ADAMTS2: variants seen among roughly 807,000 people sequenced by gnomAD.
ADAMTS2 encodes ADAM metallopeptidase with thrombospondin type 1 motif 2.
In ADAMTS2, 50 loss-of-function variants were observed where a neutral mutation model predicts 123.0. The observed-to-expected ratio is 0.41, with a 90% CI of 0.32 to 0.51. ADAMTS2 has a LOEUF of 0.51. Ranked by LOEUF, ADAMTS2 falls within the 20% of genes least tolerant of loss-of-function variation. ADAMTS2 has a pLI of 0.35. For missense variants in ADAMTS2, 1,494 were observed against 1,705.2 expected, an observed-to-expected ratio of 0.88 and a Z score of 2.18; for synonymous variants, 678 against 695.4, an observed-to-expected ratio of 0.98 and a Z score of 0.39.
chr5:179,170,607 GT>G lies in ADAMTS2; in HGVS notation c.975+10464del, dbSNP rs1763796886. Among the ~76,000 whole-genome samples the G allele has an allele frequency of 6.6e-6, 1 of 152,102 alleles. No individual in the cohort carries two copies. The highest frequency in any genetic ancestry group is 1.5e-5 in the Non-Finnish European group (1 of 68,002). ...CTGTGCTTCTCTGTGAGCAAAAGGG[GT>G]CTGTTCCCTTGGACACAGGAGCTAG... On this transcript the variant is annotated intron_variant, in intron 5 of 21. Coordinates refer to ENST00000251582, the MANE Select transcript of ADAMTS2 (RefSeq NM_014244.5). This position sits in a 1 kb window ranked among gnomAD's most constrained non-coding sequence, Gnocchi z 4.3.
rs1350641651 is a variant in ADAMTS2, at chr5:179,307,455, C to CG, written c.535-34392dup. Reference sequence around the variant, plus strand: ...GGGGCACCACCACGCAGGGGCTTCCCGGGTCATGCTGCACCATCCACTAAT... The same window carrying CG: ...GGGGCACCACCACGCAGGGGCTTCCCGGGGTCATGCTGCACCATCCACTAAT... On this transcript the variant is annotated intron_variant, in intron 2 of 21. Transcript: ENST00000251582. This position sits in a 1 kb window ranked among gnomAD's most constrained non-coding sequence, Gnocchi z 5.6. Among the ~76,000 whole-genome samples the CG allele has an allele frequency of 6.6e-6, 1 of 152,144 alleles. No individual in the cohort carries two copies. The highest frequency in any genetic ancestry group is 1.5e-5 in the Non-Finnish European group (1 of 68,026).
At chr5:179,177,123 T>C (rs532418789) in intron 5 of ADAMTS2, among the ~76,000 whole-genome samples, 242 of 152,352 alleles carry the variant, frequency 1.6e-3, no homozygotes, top group Admixed American at 2.8e-3. Flanking sequence ...CAGTGAATAT[T>C]CCCAGCACAG....
intron 3 of ADAMTS2, among the ~76,000 whole-genome samples, chr5:179,255,939 AACTGGCTGCTCCCC>A (rs1358230843): frequency 6.6e-6 from 1 of 152,084 alleles, no homozygotes; most frequent in East Asian, 1.9e-4. Flanking sequence ...TGGGCCTAGG[AACTGGCTGCTCCCC>A]ACTGGCTGCT....
chr5:179,232,468 C>T (rs947547071), intron 3 of ADAMTS2, among the ~76,000 whole-genome samples: 1 of 152,194 alleles, frequency 6.6e-6, no homozygotes, highest in African/African-American at 2.4e-5. Flanking sequence ...TCACACTGCT[C>T]GGAAGTGTCA....
rs115248580 is a variant in ADAMTS2 at position 179,187,792 on chromosome 5, T to C, written c.892-6637A>G. Among the ~76,000 whole-genome samples, 829 of 152,306 alleles carry C rather than the reference T, an allele frequency of 5.4e-3. 1 individual carries two copies. The highest frequency in any genetic ancestry group is 0.018 in the African/African-American group (739 of 41,562). On this transcript the variant is annotated intron_variant, in intron 4 of 21. Coordinates refer to ENST00000251582, the MANE Select transcript of ADAMTS2 (RefSeq NM_014244.5). ...GGAAATGTTCAAAGCCGCAGCCATC[T>C]CTGTGCGGAGAGAGGCCAAGGGCTC...
rs192906784 is a variant in ADAMTS2 at position 179,338,652 on chromosome 5, C to T, written c.534+5115G>A. On this transcript the variant is annotated intron_variant, in intron 2 of 21. Coordinates refer to ENST00000251582, the MANE Select transcript of ADAMTS2 (RefSeq NM_014244.5). ...GAGCTGGAGGGCCCTGACCAGGTCA[C>T]GGGGGCCTTGAATGCCAGGCCAGTG... 3.4e-3 allele frequency among the ~76,000 whole-genome samples: 520 copies of T among 152,248 alleles called. 5 individuals carry two copies. The highest frequency in any genetic ancestry group is 0.011 in the African/African-American group (454 of 41,534).
chr5:179,209,278 T>C (rs1237019987), intron 3 of ADAMTS2, among the ~76,000 whole-genome samples: 2 of 152,214 alleles, frequency 1.3e-5, no homozygotes, highest in African/African-American at 4.8e-5. Flanking sequence ...GCTCTCTCCT[T>C]GCACCCTGCA....
rs1762761939 is a variant in ADAMTS2, at chr5:179,121,519, G to A, written c.3178+142C>T. 8.3e-6 allele frequency: 5 copies of A among 599,086 alleles called. No homozygotes were observed. The East Asian group carries it at 1.5e-4, about 18-fold the overall frequency. 37.1% of individuals were successfully genotyped at this position (599,086 alleles called of 1,614,324 possible). A position where few individuals can be genotyped will look rare whatever the true frequency, so the allele number is the denominator to read the frequency against. ...AGCGGACGCCGAGCTCAGAGGCCCG[G>A]GAGAAAACGGTCACCCCAGAGCGCG... On this transcript the variant is annotated intron_variant, in intron 21 of 21. Transcript: ENST00000251582.
chr5:179,273,166 C>T, intron 2 of ADAMTS2, 102 bp from the exon 3 acceptor site: 6 of 1,548,634 alleles, frequency 3.9e-6, no homozygotes, highest in Non-Finnish European at 5.3e-6. Flanking sequence ...ACCTGAAGAC[C>T]CTGCCCAGCA....
At position 179,307,061 on chromosome 5, in the gene ADAMTS2, C is replaced by T. The variant is rs867795431; in HGVS notation, c.535-33997G>A. On this transcript the variant is annotated intron_variant, in intron 2 of 21. Coordinates refer to ENST00000251582, the MANE Select transcript of ADAMTS2 (RefSeq NM_014244.5). The surrounding 1 kb of genome is among the most constrained non-coding windows in gnomAD (Gnocchi z 5.6). The stretch of plus-strand genomic sequence containing the variant: ...TGAGTCCTTGGAGGTGAGGCCAGCA[C>T]GTAGTAGAGGGGCAGCCGAGTAAGA... 2.0e-5 allele frequency among the ~76,000 whole-genome samples: 3 copies of T among 152,104 alleles called. No individual in the cohort carries two copies. Among genetic ancestry groups the T allele is most frequent in the Non-Finnish European group, 2.9e-5 (2 of 68,014 alleles).
chr5:179,331,107 C>A (rs942097182), intron 2 of ADAMTS2, among the ~76,000 whole-genome samples: 8 of 151,420 alleles, frequency 5.3e-5, no homozygotes, highest in African/African-American at 1.7e-4. Context: ...TGGGATGGCT[C>A]GTTGTTGGTT....
Position 179,112,432 on chromosome 5 carries a change from C to T in ADAMTS2, c.*1435G>A, listed in dbSNP as rs1483944171. ...TCTTCTCCCATCCGCCCCTACTCCC[C>T]CTTCCTCCTATTTCTCTCTTACTCG... On this transcript the variant is annotated 3_prime_UTR_variant, in exon 22 of 22. Transcript: ENST00000251582. 1.3e-5 allele frequency: 2 copies of T among 152,134 alleles called. No homozygotes were observed. Among genetic ancestry groups the T allele is most frequent in the African/African-American group, 2.4e-5 (1 of 41,396 alleles). The allele number at this position is 152,134 out of a possible 1,614,324, so 9.4% of individuals were successfully genotyped here. A position where few individuals can be genotyped will look rare whatever the true frequency, so the allele number is the denominator to read the frequency against.
rs1469346075 is a variant in ADAMTS2 at position 179,146,150 on chromosome 5, C to T, written c.1629+5992G>A. The stretch of plus-strand genomic sequence containing the variant: ...GATTACAGGCATGAGCCACTGCACC[C>T]GGCCTGTACACTTTAAAAAGTGAAT... On this transcript the variant is annotated intron_variant, in intron 10 of 21. Coordinates refer to ENST00000251582, the MANE Select transcript of ADAMTS2 (RefSeq NM_014244.5). Among the ~76,000 whole-genome samples the T allele has an allele frequency of 2.6e-5, 4 of 152,178 alleles. No homozygotes were observed. The East Asian group carries it at 5.8e-4, about 22-fold the overall frequency.
At chr5:179,267,900 C>A (rs1451504045) in intron 3 of ADAMTS2, among the ~76,000 whole-genome samples, 1 of 152,198 alleles carries the variant, frequency 6.6e-6, no homozygotes, top group Non-Finnish European at 1.5e-5. Context: ...AGTGACTCCC[C>A]AGACCCCTGA....
chr5:179,269,756 C>T (rs916297400), intron 3 of ADAMTS2, among the ~76,000 whole-genome samples: 19 of 152,208 alleles, frequency 1.2e-4, no homozygotes, highest in African/African-American at 4.3e-4. Context: ...CCACAGGGTG[C>T]CCTGTCCCTG....
intron 2 of ADAMTS2, among the ~76,000 whole-genome samples, chr5:179,275,740 C>T (rs1449524757): frequency 3.3e-5 from 5 of 152,232 alleles, no homozygotes; most frequent in South Asian, 2.1e-4. Flanking sequence ...GCAGCCCTGC[C>T]GATGCCTGGA....
In ADAMTS2 at chr5:179,302,051, C is replaced by T. The variant is rs868151348; in HGVS notation, c.535-28987G>A. On this transcript the variant is annotated intron_variant, in intron 2 of 21. Coordinates refer to ENST00000251582, the MANE Select transcript of ADAMTS2 (RefSeq NM_014244.5). ...ACTGCAAGCCAGTCCTGGCCCAGCA[C>T]AGCCCTTCCGCCAGCCTCTGGCCAG... is the stretch of plus-strand genomic sequence containing the variant. 2.1e-4 allele frequency among the ~76,000 whole-genome samples: 32 copies of T among 152,328 alleles called. 1 individual carries two copies. Among genetic ancestry groups the T allele is most frequent in the African/African-American group, 7.2e-4 (30 of 41,574 alleles).
chr5:179,223,463 C>T (rs935341881), intron 3 of ADAMTS2, among the ~76,000 whole-genome samples: 6 of 150,580 alleles, frequency 4.0e-5, no homozygotes, highest in South Asian at 2.1e-4. Context: ...CACTCACACA[C>T]GAATGCACTC....
chr5:179,198,516 G>A (rs1455675044), intron 4 of ADAMTS2, among the ~76,000 whole-genome samples: 4 of 152,196 alleles, frequency 2.6e-5, no homozygotes, highest in Non-Finnish European at 4.4e-5. Context: ...CAGCAGCCAG[G>A]AGGGCTACAG....
Sources: allele counts gnomAD v4.1 joint callset (sites outside exome capture counted in the v4.1 genomes callset), GRCh38; gene constraint gnomAD v4.1.1; non-coding constraint Gnocchi (gnomAD v3.1); transcripts MANE v1.5; gene names NCBI Gene and HGNC (gene_info 2026-07-23, HGNC 2026-07-21).